Variants in TNKS2 observed in about 807,000 individuals in gnomAD.
TNKS2 encodes tankyrase 2.
Under a neutral mutation model 137.6 loss-of-function variants are expected in TNKS2, and 72 were observed. The observed-to-expected ratio is 0.52, with a 90% CI of 0.43 to 0.64. The LOEUF is 0.64. TNKS2 is among the 30% of genes least tolerant of loss of function. TNKS2 has a pLI of 0.00. For synonymous variants in TNKS2, 516 were observed against 512.1 expected, an observed-to-expected ratio of 1.01 and a Z score of -0.10; for missense variants, 1,049 against 1,410.2, an observed-to-expected ratio of 0.74 and a Z score of 4.10.
chr10:91,803,796 A>G (rs1487063644), intron 1 of TNKS2, among the ~76,000 whole-genome samples: 3 of 152,222 alleles, frequency 2.0e-5, no homozygotes, highest in Non-Finnish European at 4.4e-5. Context: ...ACATTTTTCC[A>G]GAACTTTGCC....
At chr10:91,846,085 T>G (rs149505379) in intron 18 of TNKS2, 145 bp downstream of exon 18, 12 of 482,938 alleles carry the variant, frequency 2.5e-5, no homozygotes, top group Non-Finnish European at 3.9e-5. Flanking sequence ...TCTTTAGTAT[T>G]AAAATATAAT....
rs565936949 is a variant in TNKS2, at chr10:91,819,787, A to G, written c.634-152A>G. 7.0e-5 allele frequency: 45 copies of G among 640,660 alleles called. No homozygotes were observed. The South Asian group carries it at 1.2e-3, about 17-fold the overall frequency. 39.7% of individuals were successfully genotyped at this position (640,660 alleles called of 1,614,324 possible). ...TTATAAACTTGTATACTATGCCTTC[A>G]ATATGTATGTTGGATTTTGTAAAAC... On this transcript the variant is annotated intron_variant, in intron 5 of 26. Transcript: ENST00000371627.
At chr10:91,845,980 G>C (rs1249683056) in intron 18 of TNKS2, 40 bp downstream of exon 18, 2 of 1,446,296 alleles carry the variant, frequency 1.4e-6, no homozygotes, top group Non-Finnish European at 1.8e-6. Context: ...GTGCTTTTCT[G>C]ACTTGTTAAA....
chr10:91,813,238 A>C, intron 2 of TNKS2, 31 bp downstream of exon 2: 2 of 1,565,320 alleles, frequency 1.3e-6, no homozygotes, highest in Non-Finnish European at 1.8e-6. Context: ...GACTTTTACT[A>C]ATGTTGTAAC....
chr10:91,810,212 C>T (rs1034320951), intron 1 of TNKS2, among the ~76,000 whole-genome samples: 9 of 151,932 alleles, frequency 5.9e-5, no homozygotes, highest in Non-Finnish European at 1.3e-4. Context: ...CCCATGTCTA[C>T]TAAAAATACA....
At position 91,824,823 on chromosome 10, in the gene TNKS2, G is replaced by A. The variant is rs373322412; in HGVS notation, c.796-2194G>A. ...GCTCAGCAAGGACACTTAAGTTCAC[G>A]AAATAAGTCGCACAAGAAAAAGATG... On this transcript the variant is annotated intron_variant, in intron 7 of 26. Transcript: ENST00000371627. Among the ~76,000 whole-genome samples, 21 of 152,296 alleles carry A rather than the reference G, an allele frequency of 1.4e-4. No homozygotes were observed. The East Asian group carries it at 1.7e-3, about 13-fold the overall frequency.
At chr10:91,818,399 C>CA (rs61096733) in intron 3 of TNKS2, among the ~76,000 whole-genome samples, 28,052 of 151,966 alleles carry the variant, frequency 0.18, 2,683 homozygotes, top group Middle Eastern at 0.28. Flanking sequence ...ATATTAGTGT[C>CA]AAAAAATCTA....
chr10:91,801,253 CAA>C (rs1844155750), intron 1 of TNKS2, among the ~76,000 whole-genome samples: 1 of 152,108 alleles, frequency 6.6e-6, no homozygotes. Flanking sequence ...TTGCTAGCAC[CAA>C]GAGAGTTAAA....
intron 6 of TNKS2, among the ~76,000 whole-genome samples, chr10:91,820,408 T>G (rs551080721): frequency 6.6e-6 from 1 of 152,330 alleles, no homozygotes; most frequent in South Asian, 2.1e-4. Context: ...AAGTCAAGTC[T>G]CAATTCAAGA....
chr10:91,859,461 G>T lies in TNKS2; in HGVS notation c.3095-1G>T. ...TTGTTACCCATCTATATGTGTTTCA[G>T]GGTCTCCTTTTGTGAATGCAATTAT... On this transcript the variant is annotated splice_acceptor_variant, in intron 24 of 26. Coordinates refer to ENST00000371627, the MANE Select transcript of TNKS2 (RefSeq NM_025235.4). LOFTEE classifies it high-confidence loss of function. The T allele has an allele frequency of 6.3e-7, 1 of 1,585,786 alleles. No individual in the cohort carries two copies. Among genetic ancestry groups the T allele is most frequent in the South Asian group, 1.2e-5 (1 of 84,650 alleles).
At chr10:91,833,053 C>T (rs1367653929) in intron 11 of TNKS2, among the ~76,000 whole-genome samples, 8 of 152,022 alleles carry the variant, frequency 5.3e-5, no homozygotes, top group African/African-American at 1.9e-4. Flanking sequence ...TACAGTTTTT[C>T]TTTAGATGTA....
chr10:91,817,502 C>G (rs1040016040), intron 3 of TNKS2, among the ~76,000 whole-genome samples: 1 of 152,136 alleles, frequency 6.6e-6, no homozygotes, highest in African/African-American at 2.4e-5. Flanking sequence ...TTAGTATATT[C>G]AGGACATTTT....
chr10:91,798,900 C>T lies in TNKS2; in HGVS notation c.199+11C>T, dbSNP rs1305917164. 9 of 1,379,186 alleles carry T rather than the reference C, an allele frequency of 6.5e-6. No individual in the cohort carries two copies. The highest frequency in any genetic ancestry group is 7.6e-6 in the Non-Finnish European group (8 of 1,057,780). 85.4% of individuals were successfully genotyped at this position (1,379,186 alleles called of 1,614,324 possible). Reference sequence around the variant, plus strand: ...TGCACTTCGCCGCAGGTAACCGGGGCCAGCGTCCCCTCGCCTCGCTCCAGA... The same window carrying T: ...TGCACTTCGCCGCAGGTAACCGGGGTCAGCGTCCCCTCGCCTCGCTCCAGA... On this transcript the variant is annotated intron_variant, in intron 1 of 26. Transcript: ENST00000371627.
intron 2 of TNKS2, among the ~76,000 whole-genome samples, chr10:91,813,929 C>T (rs11186696): frequency 0.52 from 78,585 of 151,946 alleles, 20,765 homozygotes; most frequent in East Asian, 0.72. Context: ...AAACGTATAG[C>T]ATATAAAATT....
At chr10:91,845,151 G>A in intron 17 of TNKS2, 123 bp downstream of exon 17, 1 of 703,816 alleles carries the variant, frequency 1.4e-6, no homozygotes, top group Admixed American at 2.8e-5. Flanking sequence ...CAGAGCTAAA[G>A]AAGTTAAATA....
At chr10:91,860,279 G>A (rs1842819415) in intron 25 of TNKS2, among the ~76,000 whole-genome samples, 1 of 152,078 alleles carries the variant, frequency 6.6e-6, no homozygotes, top group African/African-American at 2.4e-5. Context: ...GAAAAATCCA[G>A]TAAGATTAAT....
intron 21 of TNKS2, among the ~76,000 whole-genome samples, chr10:91,853,245 C>T (rs1437949365): frequency 1.3e-5 from 2 of 152,222 alleles, no homozygotes; most frequent in African/African-American, 2.4e-5. Flanking sequence ...GATACATTGC[C>T]TCCAAATGGC....
chr10:91,850,324 C>T (rs1172351016), intron 20 of TNKS2, among the ~76,000 whole-genome samples: 3 of 147,292 alleles, frequency 2.0e-5, no homozygotes, highest in African/African-American at 7.6e-5. Context: ...GCCAAGATCA[C>T]ACCACTGCAC....
chr10:91,850,578 G>A (rs1387392462), intron 20 of TNKS2, among the ~76,000 whole-genome samples: 1 of 151,810 alleles, frequency 6.6e-6, no homozygotes, highest in African/African-American at 2.4e-5. Context: ...AATTAGCTGG[G>A]CGTGGTGGCG....
Sources: allele counts gnomAD v4.1 joint callset (sites outside exome capture counted in the v4.1 genomes callset), GRCh38; gene constraint gnomAD v4.1.1; transcripts MANE v1.5; gene names NCBI Gene and HGNC (gene_info 2026-07-23, HGNC 2026-07-21).